Variants in UBE2H observed in about 807,000 individuals in gnomAD.
UBE2H encodes ubiquitin conjugating enzyme E2 H.
UBE2H carries 3 observed loss-of-function variants against 29.0 expected under a neutral mutation model. The observed-to-expected ratio is 0.10, with a 90% confidence interval of 0.05 to 0.27. The LOEUF is 0.27. Ranked by LOEUF, UBE2H falls within the 10% of genes least tolerant of loss-of-function variation. The pLI is 1.00. For missense variants in UBE2H, 68 were observed against 228.2 expected (o/e 0.30, Z 4.52); for synonymous variants, 69 against 82.9 (o/e 0.83, Z 0.91).
chr7:129,854,068 T>TTTTTTTTTTATTTTTTTTTA (rs1554430951), intron 5 of UBE2H, among the ~76,000 whole-genome samples: 2 of 148,704 alleles, frequency 1.3e-5, no homozygotes, highest in Non-Finnish European at 1.5e-5. Context: ...TAGTTTTTTT[T>TTTTTTTTTTATTTTTTTTTA]TTTTTTTTTT....
At chr7:129,933,871 C>T (rs1807457868) in intron 1 of UBE2H, among the ~76,000 whole-genome samples, 1 of 152,138 alleles carries the variant, frequency 6.6e-6, no homozygotes, top group Non-Finnish European at 1.5e-5. Flanking sequence ...CATAGTTAGC[C>T]CCAGATCCAC....
chr7:129,891,976 G>T (rs182334153), intron 1 of UBE2H, among the ~76,000 whole-genome samples: 1 of 133,332 alleles, frequency 7.5e-6, no homozygotes, highest in Non-Finnish European at 1.6e-5. Flanking sequence ...TTTTTGAGAC[G>T]GAGTCTTGCT....
intron 3 of UBE2H, among the ~76,000 whole-genome samples, chr7:129,872,096 C>T (rs1158534033): frequency 6.6e-6 from 1 of 152,192 alleles, no homozygotes; most frequent in African/African-American, 2.4e-5. Context: ...CTCAAGTGAA[C>T]CTCCTGCCTC....
intron 5 of UBE2H, among the ~76,000 whole-genome samples, chr7:129,855,821 T>A (rs1049409881): frequency 1.3e-5 from 2 of 152,302 alleles, no homozygotes; most frequent in Non-Finnish European, 2.9e-5. Flanking sequence ...TGTTCGAGCC[T>A]AGGAGCTCAA....
At chr7:129,854,061 T>C (rs201949632) in intron 5 of UBE2H, among the ~76,000 whole-genome samples, 2 of 56,250 alleles carry the variant, frequency 3.6e-5, no homozygotes, top group African/African-American at 1.1e-4. Context: ...TTAGTGTTAG[T>C]TTTTTTTTTT....
chr7:129,922,144 C>G (rs985792631), intron 1 of UBE2H, among the ~76,000 whole-genome samples: 3 of 151,738 alleles, frequency 2.0e-5, no homozygotes, highest in Admixed American at 6.6e-5. Context: ...CCAGCCACCA[C>G]GCCTGGCTAA....
intron 1 of UBE2H, among the ~76,000 whole-genome samples, chr7:129,939,518 TTAC>T (rs1807598957): frequency 6.6e-6 from 1 of 152,230 alleles, no homozygotes; most frequent in Non-Finnish European, 1.5e-5. Context: ...CATCTATATA[TTAC>T]TCTTGGTGAT....
rs745725246 is a variant in UBE2H at position 129,835,006 on chromosome 7, G to A, written c.483C>T (p.Thr161=). 10 of 1,613,854 alleles carry A rather than the reference G, an allele frequency of 6.2e-6. No individual in the cohort carries two copies. The highest frequency in any genetic ancestry group is 4.5e-5 in the East Asian group (2 of 44,894). ...TAGAGCTCTCCGATGAGCTGTCCCCGGTACCCTCTTCCTGTTCTTTCAGCG... is the reference window on the plus strand; with the variant it reads ...TAGAGCTCTCCGATGAGCTGTCCCCAGTACCCTCTTCCTGTTCTTTCAGCG... ...EEALKEQEEG[T]GDSSSESSMS... The change falls in exon 7 of 7, where the codon ACC becomes ACT. Residue 161 remains threonine, a synonymous_variant. Transcript: ENST00000355621.
intron 5 of UBE2H, among the ~76,000 whole-genome samples, chr7:129,843,192 G>A (rs112990072): frequency 6.6e-6 from 1 of 151,632 alleles, no homozygotes; most frequent in Non-Finnish European, 1.5e-5. Context: ...GCAGAGAAGG[G>A]GTTTCACCGT....
At chr7:129,851,174 A>G (rs1805602724) in intron 5 of UBE2H, among the ~76,000 whole-genome samples, 1 of 152,260 alleles carries the variant, frequency 6.6e-6, no homozygotes, top group Non-Finnish European at 1.5e-5. Flanking sequence ...TGCATAGATC[A>G]CAATGAAGAA....
intron 5 of UBE2H, among the ~76,000 whole-genome samples, chr7:129,845,420 AG>A (rs1201592494): frequency 6.6e-6 from 1 of 152,176 alleles, no homozygotes; most frequent in Non-Finnish European, 1.5e-5. Flanking sequence ...ATTTGCTCGT[AG>A]GTTCTTTTTT....
chr7:129,835,990 G>GT (rs1180998874), intron 6 of UBE2H, among the ~76,000 whole-genome samples: 40 of 152,156 alleles, frequency 2.6e-4, no homozygotes, highest in African/African-American at 8.9e-4. Flanking sequence ...TTTAAAAACT[G>GT]TCTTAAAAAA....
At chr7:129,904,409 T>G (rs200981224) in intron 1 of UBE2H, among the ~76,000 whole-genome samples, 1 of 152,170 alleles carries the variant, frequency 6.6e-6, no homozygotes, top group Non-Finnish European at 1.5e-5. Flanking sequence ...TGTGAGCCAC[T>G]GCACCAGGCC....
At chr7:129,883,574 G>T (rs988782167) in intron 1 of UBE2H, among the ~76,000 whole-genome samples, 3 of 152,216 alleles carry the variant, frequency 2.0e-5, no homozygotes, top group Admixed American at 6.5e-5. Context: ...GGGCACAGTG[G>T]CTCACGCCTG....
At chr7:129,921,694 CA>C (rs1047164274) in intron 1 of UBE2H, among the ~76,000 whole-genome samples, 3,909 of 68,484 alleles carry the variant, frequency 0.057, 72 homozygotes, top group African/African-American at 0.16. Context: ...GACTCTGTCA[CA>C]AAAAAAAAAA....
chr7:129,943,717 A>C (rs1377602082), intron 1 of UBE2H, among the ~76,000 whole-genome samples: 1 of 152,178 alleles, frequency 6.6e-6, no homozygotes, highest in Non-Finnish European at 1.5e-5. Context: ...CCTGGCCAAC[A>C]TGGCAAAACC....
At position 129,927,180 on chromosome 7, in the gene UBE2H, C is replaced by T. The variant is rs144701918; in HGVS notation, c.53+25323G>A. On this transcript the variant is annotated intron_variant, in intron 1 of 6. Transcript: ENST00000355621. Reference sequence around the variant, plus strand: ...CCTATTATTTTTATACAGAATAAAACAGAGACACTAAAATGTTAATAATAG... The same window carrying T: ...CCTATTATTTTTATACAGAATAAAATAGAGACACTAAAATGTTAATAATAG... Among the ~76,000 whole-genome samples, 938 of 152,274 alleles carry T rather than the reference C, an allele frequency of 6.2e-3. 7 individuals are homozygous for T. Among genetic ancestry groups the T allele is most frequent in the Middle Eastern group, 0.024 (7 of 294 alleles).
intron 3 of UBE2H, among the ~76,000 whole-genome samples, chr7:129,878,811 A>T (rs1806198932): frequency 6.6e-6 from 1 of 151,904 alleles, no homozygotes; most frequent in Admixed American, 6.6e-5. Context: ...GTTCTTACTT[A>T]AAATTGTTCA....
chr7:129,903,771 T>C (rs565674882), intron 1 of UBE2H, among the ~76,000 whole-genome samples: 1 of 152,104 alleles, frequency 6.6e-6, no homozygotes, highest in Non-Finnish European at 1.5e-5. Context: ...CTGAGCACAG[T>C]GTTACACACC....
Sources: gnomAD v4.1 joint callset for allele counts (sites outside exome capture counted in the v4.1 genomes callset) on GRCh38, gnomAD v4.1.1 for gene constraint, MANE v1.5 for transcripts, NCBI Gene and HGNC (gene_info 2026-07-23, HGNC 2026-07-21) for gene names.